Variants in ALKBH8 observed in about 807,000 individuals in gnomAD.
The protein encoded by ALKBH8 is alkB homolog 8, tRNA methyltransferase, also known as tRNA (carboxymethyluridine(34)-5-O)-methyltransferase ALKBH8.
ALKBH8 carries 36 observed loss-of-function variants against 59.8 expected under a neutral mutation model. That is an observed-to-expected ratio of 0.60 (90% CI 0.46 to 0.79). The LOEUF (loss-of-function observed/expected upper bound fraction) is 0.79, where lower values mean the gene tolerates loss of function less well. Among genes scored for constraint, ALKBH8 ranks in the 30% least tolerant of loss-of-function variants. ALKBH8 has a pLI of 0.00. For missense variants in ALKBH8, 768 were observed against 801.0 expected (o/e 0.96, Z 0.50); for synonymous variants, 276 against 273.6 (o/e 1.01, Z -0.09).
chr11:107,513,565 G>T (rs1278521142), intron 10 of ALKBH8, among the ~76,000 whole-genome samples: 1 of 152,092 alleles, frequency 6.6e-6, no homozygotes, highest in Non-Finnish European at 1.5e-5. Context: ...AATATAAATT[G>T]TTCTACCATA....
At chr11:107,531,453 A>T (rs1416857755) in intron 8 of ALKBH8, among the ~76,000 whole-genome samples, 1 of 152,202 alleles carries the variant, frequency 6.6e-6, no homozygotes, top group East Asian at 1.9e-4. Context: ...CGGCCTCCTC[A>T]AAAGAGTCAA....
intron 10 of ALKBH8, among the ~76,000 whole-genome samples, chr11:107,518,881 T>C (rs991884944): frequency 6.6e-6 from 1 of 152,188 alleles, no homozygotes; most frequent in Non-Finnish European, 1.5e-5. Context: ...TATATTTGTG[T>C]GTGTGTCTTT....
rs1862327264 is a variant in ALKBH8, at chr11:107,505,146, C to G, written c.1507G>C (p.Val503Leu). 6.4e-7 allele frequency: 1 copy of G among 1,551,082 alleles called. No individual in the cohort carries two copies. Among genetic ancestry groups the G allele is most frequent in the Non-Finnish European group, 8.7e-7 (1 of 1,146,884 alleles). Residue 503 changes from valine to leucine, a missense_variant, in exon 12 of 12, where the codon GTC becomes CTC. Physicochemically the swap from Val to Leu is conservative, Grantham distance 32 (BLOSUM62 1). Transcript: ENST00000428149. ...LRPGGKALIY[V>L]WAMEQEYNKQ... ...TTATATTCTTGTTCCATTGCCCAGA[C>G]ATAAATGAGTGCCTTCCCACCTGGT...
At chr11:107,516,429 T>C (rs928094763) in intron 10 of ALKBH8, among the ~76,000 whole-genome samples, 1 of 152,174 alleles carries the variant, frequency 6.6e-6, no homozygotes, top group Admixed American at 6.5e-5. Flanking sequence ...TAAATGCTTA[T>C]CTCACACCAT....
intron 8 of ALKBH8, among the ~76,000 whole-genome samples, chr11:107,527,209 T>C (rs1221292617): frequency 3.3e-5 from 5 of 151,982 alleles, no homozygotes; most frequent in African/African-American, 9.7e-5. Flanking sequence ...TTTCAGTCTA[T>C]GTGTGTTGCA....
chr11:107,542,193 C>G (rs990519844), intron 7 of ALKBH8, among the ~76,000 whole-genome samples: 1 of 152,026 alleles, frequency 6.6e-6, no homozygotes, highest in Non-Finnish European at 1.5e-5. Context: ...GATGGAAAAA[C>G]TCAATCTACA....
intron 6 of ALKBH8, 88 bp from the exon 7 acceptor site, chr11:107,549,911 G>A: frequency 2.2e-6 from 2 of 904,732 alleles, no homozygotes; most frequent in Non-Finnish European, 3.3e-6. Context: ...TGCTATTAAG[G>A]TGAAAACATT....
chr11:107,524,183 C>T (rs893231631), intron 9 of ALKBH8, among the ~76,000 whole-genome samples: 6 of 152,042 alleles, frequency 3.9e-5, no homozygotes, highest in Non-Finnish European at 7.4e-5. Flanking sequence ...CTCAGCTTTC[C>T]TAGTAACTAG....
chr11:107,537,832 A>C (rs1459531448), intron 7 of ALKBH8, among the ~76,000 whole-genome samples: 2 of 152,234 alleles, frequency 1.3e-5, no homozygotes, highest in Non-Finnish European at 2.9e-5. Flanking sequence ...CCAATAAATC[A>C]AAATTTAGAT....
intron 7 of ALKBH8, among the ~76,000 whole-genome samples, chr11:107,536,849 C>T (rs760263131): frequency 2.6e-5 from 4 of 152,146 alleles, no homozygotes; most frequent in African/African-American, 4.8e-5. Context: ...ATAAAGAGTT[C>T]GAGGAATGAA....
intron 10 of ALKBH8, among the ~76,000 whole-genome samples, chr11:107,521,259 G>T (rs1311030217): frequency 6.6e-6 from 1 of 152,168 alleles, no homozygotes; most frequent in African/African-American, 2.4e-5. Context: ...AACAGCCACT[G>T]TTGCTCATGT....
intron 1 of ALKBH8, among the ~76,000 whole-genome samples, chr11:107,562,163 G>C (rs991116458): frequency 4.6e-5 from 7 of 152,034 alleles, no homozygotes; most frequent in Non-Finnish European, 1.0e-4. Flanking sequence ...GCCACGTGTG[G>C]TGGTGGGCAC....
At chr11:107,507,581 G>A (rs1323435218) in intron 11 of ALKBH8, among the ~76,000 whole-genome samples, 1 of 152,074 alleles carries the variant, frequency 6.6e-6, no homozygotes, top group Non-Finnish European at 1.5e-5. Flanking sequence ...AGTACTTTAT[G>A]TATTGTCTCA....
Position 107,565,624 on chromosome 11 carries a change from T to A in ALKBH8, c.-30A>T. ...ACCTCCGCTTCGGCTCAGGCCGGATTCTCACCATGCGTGTGCCTTCTTCTT... is the reference window on the plus strand; with the variant it reads ...ACCTCCGCTTCGGCTCAGGCCGGATACTCACCATGCGTGTGCCTTCTTCTT... On this transcript the variant is annotated 5_prime_UTR_variant, in exon 1 of 12. Coordinates refer to ENST00000428149, the MANE Select transcript of ALKBH8 (RefSeq NM_138775.3). 6.5e-7 allele frequency: 1 copy of A among 1,535,688 alleles called. No individual in the cohort carries two copies. Among genetic ancestry groups the A allele is most frequent in the Middle Eastern group, 1.7e-4 (1 of 5,990 alleles).
chr11:107,562,297 C>CA (rs11411393), intron 1 of ALKBH8, among the ~76,000 whole-genome samples: 54,685 of 127,016 alleles, frequency 0.43, 11,246 homozygotes, highest in African/African-American at 0.55. Context: ...AATTCCATCT[C>CA]AAAAAAAAAA....
chr11:107,518,529 G>T (rs117674002), intron 10 of ALKBH8, among the ~76,000 whole-genome samples: 1,893 of 152,340 alleles, frequency 0.012, 24 homozygotes, highest in Non-Finnish European at 0.02. Flanking sequence ...AAGGTTGTGG[G>T]TTTACTGGAA....
intron 7 of ALKBH8, among the ~76,000 whole-genome samples, chr11:107,539,192 A>G (rs1380126999): frequency 2.0e-5 from 3 of 152,232 alleles, no homozygotes; most frequent in Non-Finnish European, 2.9e-5. Flanking sequence ...TCCAGGGCAG[A>G]GGAATTGACA....
chr11:107,546,391 A>C (rs1047929120), intron 7 of ALKBH8, among the ~76,000 whole-genome samples: 2 of 152,228 alleles, frequency 1.3e-5, no homozygotes, highest in African/African-American at 2.4e-5. Flanking sequence ...AATTTACGGC[A>C]GGACAAATTC....
chr11:107,550,574 C>T (rs1025346512), intron 6 of ALKBH8, among the ~76,000 whole-genome samples: 1 of 152,218 alleles, frequency 6.6e-6, no homozygotes, highest in Non-Finnish European at 1.5e-5. Context: ...TCTGCTTCAG[C>T]TTCAGTTGTC....
Sources: allele counts gnomAD v4.1 joint callset (sites outside exome capture counted in the v4.1 genomes callset), GRCh38; gene constraint gnomAD v4.1.1; transcripts MANE v1.5; gene names NCBI Gene and HGNC (gene_info 2026-07-23, HGNC 2026-07-21).